The following SRGAP3 variants were observed in gnomAD, a reference collection of about 807,000 sequenced individuals.
SRGAP3 encodes the protein SLIT-ROBO Rho GTPase activating protein 3.
Under a neutral mutation model 121.1 loss-of-function variants are expected in SRGAP3, and 39 were observed. The ratio of observed to expected loss-of-function variants is 0.32; its 90% CI spans 0.25 to 0.42. SRGAP3 has a LOEUF of 0.42. SRGAP3 is among the 10% of genes least tolerant of loss of function. The pLI is 1.00. For missense variants in SRGAP3, 1,213 were observed against 1,470.6 expected (o/e 0.82, Z 2.86); for synonymous variants, 601 against 570.0 (o/e 1.05, Z -0.77).
intron 1 of SRGAP3, among the ~76,000 whole-genome samples, chr3:9,215,620 A>C (rs1185193105): frequency 6.6e-6 from 1 of 152,212 alleles, no homozygotes; most frequent in African/African-American, 2.4e-5. Flanking sequence ...CCCAGTAAGG[A>C]AGATCACTCA....
chr3:9,114,346 T>A (rs1320833169), intron 2 of SRGAP3, among the ~76,000 whole-genome samples: 2 of 152,200 alleles, frequency 1.3e-5, no homozygotes, highest in East Asian at 3.8e-4. Flanking sequence ...CACTAGCACC[T>A]CAATAAGTTG....
intron 3 of SRGAP3, among the ~76,000 whole-genome samples, chr3:9,256,580 C>G (rs1273291508): frequency 6.6e-6 from 1 of 151,930 alleles, no homozygotes; most frequent in Non-Finnish European, 1.5e-5. Context: ...ATATTTGCAG[C>G]ATGGCTTCCA....
chr3:9,060,507 G>A, intron 5 of SRGAP3, 148 bp from the exon 6 acceptor site: 1 of 1,093,032 alleles, frequency 9.1e-7, no homozygotes, highest in South Asian at 1.5e-5. Context: ...GCTCACTTCA[G>A]CCTTAACTCC....
intron 1 of SRGAP3, among the ~76,000 whole-genome samples, chr3:9,140,047 A>G (rs1949793978): frequency 6.6e-6 from 1 of 152,172 alleles, no homozygotes; most frequent in Non-Finnish European, 1.5e-5. Flanking sequence ...ATGTAGTGCA[A>G]TGGTACGGCA....
chr3:9,264,417 G>C (rs1954315442), intron 3 of SRGAP3, among the ~76,000 whole-genome samples: 1 of 152,184 alleles, frequency 6.6e-6, no homozygotes, highest in Non-Finnish European at 1.5e-5. Flanking sequence ...AATAGGAAGA[G>C]AGGAAGTCAA....
chr3:9,041,394 A>G (rs1290049699), intron 10 of SRGAP3, among the ~76,000 whole-genome samples: 2 of 152,272 alleles, frequency 1.3e-5, no homozygotes, highest in African/African-American at 2.4e-5. Flanking sequence ...GGGATGCCAC[A>G]CATTAGAGGA....
chr3:9,015,389 T>C (rs990513757), intron 15 of SRGAP3, among the ~76,000 whole-genome samples: 24 of 152,204 alleles, frequency 1.6e-4, no homozygotes, highest in Non-Finnish European at 3.2e-4. Context: ...TCCTCTGAGC[T>C]CCTTCTCTAC....
intron 17 of SRGAP3, among the ~76,000 whole-genome samples, chr3:9,010,842 G>C (rs1943332504): frequency 6.6e-6 from 1 of 152,308 alleles, no homozygotes; most frequent in African/African-American, 2.4e-5. Flanking sequence ...GCTAACAAGG[G>C]CTGCCCTGTC....
rs187961716 is a variant in SRGAP3 at position 9,057,081 on chromosome 3, T to G, written c.1024-747A>C. On this transcript the variant is annotated intron_variant, in intron 7 of 21. Transcript: ENST00000383836. ...TTATTTGCTGTTTGTTTGTTTGTTT[T>G]TTGTTGTTGTTGTTGTCGTTGTTTT... 4.9e-3 allele frequency among the ~76,000 whole-genome samples: 752 copies of G among 152,238 alleles called. 8 individuals carry two copies. The highest frequency in any genetic ancestry group is 0.017 in the African/African-American group (696 of 41,536).
intron 1 of SRGAP3, among the ~76,000 whole-genome samples, chr3:9,340,831 G>A (rs930676261): frequency 1.3e-5 from 2 of 152,194 alleles, no homozygotes; most frequent in African/African-American, 4.8e-5. Context: ...TAGACTATTA[G>A]AAGAGACAAT....
intron 2 of SRGAP3, among the ~76,000 whole-genome samples, chr3:9,117,440 C>T (rs1470910703): frequency 6.6e-6 from 1 of 152,218 alleles, no homozygotes; most frequent in Non-Finnish European, 1.5e-5. Flanking sequence ...GAAAGATGCT[C>T]CAAACCTCCT....
At chr3:8,995,855 CT>C (rs1231632163) in intron 18 of SRGAP3, among the ~76,000 whole-genome samples, 6 of 152,106 alleles carry the variant, frequency 3.9e-5, no homozygotes, top group Admixed American at 6.5e-5. Context: ...ATAATTCTTA[CT>C]TTTTTTTATT....
Position 9,006,364 on chromosome 3 carries a change from T to C in SRGAP3, c.2227+3944A>G, listed in dbSNP as rs534940153. Reference sequence around the variant, plus strand: ...GCAGTGAGCCGAGATCACACCACTTTACTACAGCCTGGCAACAGAGCGAGA... The same window carrying C: ...GCAGTGAGCCGAGATCACACCACTTCACTACAGCCTGGCAACAGAGCGAGA... On this transcript the variant is annotated intron_variant, in intron 18 of 21. Coordinates refer to ENST00000383836, the MANE Select transcript of SRGAP3 (RefSeq NM_014850.4). Among the ~76,000 whole-genome samples the C allele has an allele frequency of 2.8e-5, 4 of 143,096 alleles. No homozygotes were observed. In the South Asian group the frequency reaches 8.7e-4, roughly 31 times the overall value. The allele number at this position is 143,096 out of a possible 152,430, so 93.9% of individuals were successfully genotyped here.
In SRGAP3 at chr3:9,324,694, C is replaced by T. The variant is rs957975191; in HGVS notation, n.442+1316G>A. ...CTTTTGGGCTGGGTGCAGTGGCTCA[C>T]GCCTGTCATCTCCAGCACTTTGAGA... On this transcript the variant is annotated intron_variant and non_coding_transcript_variant, in intron 3 of 3. Transcript: ENST00000490889. Among the ~76,000 whole-genome samples, 6 of 151,868 alleles carry T rather than the reference C, an allele frequency of 4.0e-5. No individual in the cohort carries two copies. In the South Asian group the frequency reaches 6.2e-4, roughly 16 times the overall value.
At chr3:9,026,052 C>T (rs1412379168) in intron 13 of SRGAP3, among the ~76,000 whole-genome samples, 1 of 152,172 alleles carries the variant, frequency 6.6e-6, no homozygotes, top group Non-Finnish European at 1.5e-5. Context: ...ATCTTCCTGG[C>T]TCCTTACCAC....
intron 3 of SRGAP3, among the ~76,000 whole-genome samples, chr3:9,284,272 G>A (rs1351638449): frequency 6.6e-6 from 1 of 152,190 alleles, no homozygotes; most frequent in African/African-American, 2.4e-5. Context: ...ATACCAAAAA[G>A]ATGTGTAAAA....
intron 3 of SRGAP3, among the ~76,000 whole-genome samples, chr3:9,259,581 T>G (rs894069163): frequency 3.9e-5 from 6 of 152,208 alleles, no homozygotes; most frequent in African/African-American, 1.4e-4. Flanking sequence ...ATGTTGGGAT[T>G]ACAGGCATGA....
At position 9,028,041 on chromosome 3, in the gene SRGAP3, A is replaced by G. The variant is rs537712217; in HGVS notation, c.1540-1046T>C. 9 of 1,604,012 alleles carry G rather than the reference A, an allele frequency of 5.6e-6. No homozygotes were observed. The East Asian group carries it at 2.0e-4, about 36-fold the overall frequency. On this transcript the variant is annotated intron_variant, in intron 12 of 21. Transcript: ENST00000383836. Reference sequence around the variant, plus strand: ...CAAGGTGGGCTCTGTTCTGGAAGTCAGCACTAAAGACAGTTTCCATCACGG... The same window carrying G: ...CAAGGTGGGCTCTGTTCTGGAAGTCGGCACTAAAGACAGTTTCCATCACGG...
At chr3:9,213,521 T>C (rs1952514766) in intron 1 of SRGAP3, among the ~76,000 whole-genome samples, 1 of 152,178 alleles carries the variant, frequency 6.6e-6, no homozygotes, top group South Asian at 2.1e-4. Context: ...TCTGTGCTGT[T>C]TCTGGTGTGC....
Sources: allele counts gnomAD v4.1 joint callset (sites outside exome capture counted in the v4.1 genomes callset), GRCh38; gene constraint gnomAD v4.1.1; transcripts MANE v1.5; gene names NCBI Gene and HGNC (gene_info 2026-07-23, HGNC 2026-07-21).